Variants in NBEA observed in about 807,000 individuals in gnomAD.
NBEA encodes the protein lysosomal-trafficking regulator 2.
NBEA carries 44 observed loss-of-function variants against 343.4 expected under a neutral mutation model. The observed-to-expected ratio is 0.13, with a 90% CI of 0.10 to 0.16. The LOEUF (loss-of-function observed/expected upper bound fraction) is 0.16. NBEA is among the 10% of genes least tolerant of loss of function. The pLI is 1.00. For synonymous variants in NBEA, 1,175 were observed against 1,238.7 expected (o/e 0.95, Z 1.08); for missense variants, 2,555 against 3,631.3 (o/e 0.70, Z 7.62).
At chr13:34,965,438 A>T (rs191505680) in intron 1 of NBEA, among the ~76,000 whole-genome samples, 170 of 152,076 alleles carry the variant, frequency 1.1e-3, no homozygotes, top group Non-Finnish European at 2.2e-3. Context: ...AGCAGTTGGG[A>T]AAGACATTAA....
intron 40 of NBEA, among the ~76,000 whole-genome samples, chr13:35,458,391 A>G (rs2046701191): frequency 6.6e-6 from 1 of 152,220 alleles, no homozygotes; most frequent in Non-Finnish European, 1.5e-5. Flanking sequence ...GTAGCTTTGA[A>G]CCATGAAGAA....
intron 1 of NBEA, among the ~76,000 whole-genome samples, chr13:35,022,617 T>C (rs2061884806): frequency 6.6e-6 from 1 of 152,116 alleles, no homozygotes; most frequent in African/African-American, 2.4e-5. Context: ...TGGGGGCAGA[T>C]CTTAAAGGTT....
intron 1 of NBEA, among the ~76,000 whole-genome samples, chr13:34,995,614 C>G (rs1475138985): frequency 6.7e-6 from 1 of 149,366 alleles, no homozygotes; most frequent in African/African-American, 2.5e-5. Context: ...CAGAGTGGGA[C>G]AAAAAAAAAC....
chr13:35,571,925 T>C (rs1243636953), intron 45 of NBEA, among the ~76,000 whole-genome samples: 3 of 152,108 alleles, frequency 2.0e-5, no homozygotes, highest in Admixed American at 6.6e-5. Context: ...GCCCACTTAA[T>C]TGAACATTCG....
intron 38 of NBEA, among the ~76,000 whole-genome samples, chr13:35,424,201 T>C (rs1371846578): frequency 1.3e-5 from 2 of 152,174 alleles, no homozygotes; most frequent in Admixed American, 1.3e-4. Flanking sequence ...ATAGGAGTGG[T>C]GAGAGAGGGC....
At chr13:35,193,592 A>T (rs770719370) in intron 30 of NBEA, among the ~76,000 whole-genome samples, 17 of 151,874 alleles carry the variant, frequency 1.1e-4, no homozygotes, top group Non-Finnish European at 2.4e-4. Flanking sequence ...ACAAGATTTT[A>T]TTAAAAATGC....
intron 38 of NBEA, among the ~76,000 whole-genome samples, chr13:35,406,388 G>T (rs879348064): frequency 2.6e-5 from 4 of 151,214 alleles, no homozygotes; most frequent in Non-Finnish European, 5.9e-5. Flanking sequence ...TGATTTTCGA[G>T]ATTTTGGTGT....
At chr13:35,381,928 T>C (rs1052260250) in intron 38 of NBEA, among the ~76,000 whole-genome samples, 2 of 152,158 alleles carry the variant, frequency 1.3e-5, no homozygotes, top group Non-Finnish European at 2.9e-5. Context: ...ATTATCTTCT[T>C]CTATTTCTAA....
At position 35,533,304 on chromosome 13, in the gene NBEA, T is replaced by C. The variant is rs2078356287; in HGVS notation, c.6586-17173T>C. Among the ~76,000 whole-genome samples, 4 of 152,324 alleles carry C rather than the reference T, an allele frequency of 2.6e-5. No individual in the cohort carries two copies. The South Asian group carries it at 8.3e-4, about 32-fold the overall frequency. ...TCTGTGATTTATCTATTTGAGCTTT[T>C]TTAAAAGGAAAATGTCACCCTCTCA... On this transcript the variant is annotated intron_variant, in intron 41 of 58. Coordinates refer to ENST00000379939, the MANE Select transcript of NBEA (RefSeq NM_001385012.1).
At chr13:35,360,031 C>T (rs542811998) in intron 38 of NBEA, among the ~76,000 whole-genome samples, 7 of 151,888 alleles carry the variant, frequency 4.6e-5, no homozygotes, top group African/African-American at 1.4e-4. Context: ...TTCTATTTTA[C>T]GGGTAAAAAA....
intron 1 of NBEA, among the ~76,000 whole-genome samples, chr13:35,008,815 C>A (rs1387589454): frequency 6.6e-6 from 1 of 152,050 alleles, no homozygotes; most frequent in Non-Finnish European, 1.5e-5. Context: ...TTTTTTGTAA[C>A]CCTTACTTTT....
intron 35 of NBEA, 72 bp downstream of exon 35, chr13:35,290,522 C>CAT: frequency 3.1e-6 from 3 of 977,556 alleles, no homozygotes; most frequent in Non-Finnish European, 4.8e-6. Context: ...AAAGTATGTG[C>CAT]ATATATATGT....
intron 1 of NBEA, among the ~76,000 whole-genome samples, chr13:34,968,261 G>A (rs528700367): frequency 1.3e-5 from 2 of 152,210 alleles, no homozygotes; most frequent in South Asian, 2.1e-4. Flanking sequence ...CGTTGTTTGA[G>A]TTCTTATCAA....
intron 34 of NBEA, among the ~76,000 whole-genome samples, chr13:35,282,796 T>G (rs2035142795): frequency 6.6e-6 from 1 of 152,176 alleles, no homozygotes; most frequent in Admixed American, 6.5e-5. Context: ...ACCATATTCT[T>G]TAGACTCTTA....
At chr13:35,586,231 G>A (rs2081288813) in intron 46 of NBEA, among the ~76,000 whole-genome samples, 5 of 152,082 alleles carry the variant, frequency 3.3e-5, no homozygotes, top group Admixed American at 3.3e-4. Flanking sequence ...TCTTCCTTAG[G>A]CATTCTCTCC....
intron 38 of NBEA, among the ~76,000 whole-genome samples, chr13:35,358,881 G>A (rs1317587185): frequency 6.6e-6 from 1 of 152,166 alleles, no homozygotes; most frequent in Non-Finnish European, 1.5e-5. Flanking sequence ...AAAAAGATGA[G>A]TAGCGCGTCT....
At chr13:35,598,698 C>G (rs1032810650) in intron 47 of NBEA, among the ~76,000 whole-genome samples, 8 of 152,188 alleles carry the variant, frequency 5.3e-5, no homozygotes, top group African/African-American at 1.9e-4. Context: ...GTGAATCACT[C>G]TGTGTAGCTG....
intron 40 of NBEA, among the ~76,000 whole-genome samples, chr13:35,464,995 A>G (rs2047093556): frequency 6.6e-6 from 1 of 152,198 alleles, no homozygotes; most frequent in African/African-American, 2.4e-5. Flanking sequence ...ACACTAGGAA[A>G]AATACGATAG....
intron 38 of NBEA, among the ~76,000 whole-genome samples, chr13:35,367,953 T>G (rs1388222437): frequency 6.6e-6 from 1 of 151,520 alleles, no homozygotes; most frequent in African/African-American, 2.4e-5. Context: ...TTAGGATCAG[T>G]AATTAAGTCC....
Sources: gnomAD v4.1 joint callset for allele counts (sites outside exome capture counted in the v4.1 genomes callset) on GRCh38, gnomAD v4.1.1 for gene constraint, MANE v1.5 for transcripts, NCBI Gene and HGNC (gene_info 2026-07-23, HGNC 2026-07-21) for gene names.